The following TRMT11 variants were observed in gnomAD, a reference collection of about 807,000 sequenced individuals.
The protein encoded by TRMT11 is tRNA methyltransferase 11.
In TRMT11, 53 loss-of-function variants were observed where a neutral mutation model predicts 62.8. The observed-to-expected ratio is 0.84, with a 90% CI of 0.68 to 1.06. The LOEUF is 1.06. Among genes scored for constraint, TRMT11 ranks in the 50% least tolerant of loss-of-function variants. The pLI, the probability that TRMT11 is intolerant of heterozygous loss-of-function variation, is 0.00. For missense variants in TRMT11, 556 were observed against 553.4 expected (o/e 1.00, Z -0.05); for synonymous variants, 188 against 190.3 (o/e 0.99, Z 0.10).
chr6:126,267,891 ATTTT>A, the TRMT11 span, among the ~76,000 whole-genome samples: 1 of 151,178 alleles, frequency 6.6e-6, no homozygotes, highest in African/African-American at 2.4e-5. Context: ...TGCCATGACT[ATTTT>A]TTTTTCTTCA....
At chr6:126,112,782 C>A (rs544790543) in intron 17 of TRMT11, among the ~76,000 whole-genome samples, 187 of 152,188 alleles carry the variant, frequency 1.2e-3, no homozygotes, top group African/African-American at 4.4e-3. Flanking sequence ...TCCTCTACTT[C>A]ATTGTCTTTC....
At chr6:126,115,994 A>G (rs1777582306) in intron 21 of TRMT11, among the ~76,000 whole-genome samples, 1 of 148,178 alleles carries the variant, frequency 6.7e-6, no homozygotes, top group Non-Finnish European at 1.5e-5. Flanking sequence ...CCTTGTGCTT[A>G]TTAATGCTGT....
At chr6:126,123,888 T>G (rs1777678246) in intron 21 of TRMT11, among the ~76,000 whole-genome samples, 1 of 152,098 alleles carries the variant, frequency 6.6e-6, no homozygotes, top group Non-Finnish European at 1.5e-5. Context: ...ATTTATTGTC[T>G]GTTGTACTTT....
chr6:126,071,783 AAAAT>A (rs759640091), intron 17 of TRMT11, among the ~76,000 whole-genome samples: 2 of 152,144 alleles, frequency 1.3e-5, no homozygotes, highest in Admixed American at 1.3e-4. Flanking sequence ...ACAGTTTCAG[AAAAT>A]AAATCTCAGC....
the TRMT11 span, among the ~76,000 whole-genome samples, chr6:126,240,808 C>T: frequency 1.2e-4 from 18 of 152,234 alleles, no homozygotes; most frequent in African/African-American, 3.4e-4. Flanking sequence ...CCCCCAGAGG[C>T]GGAGTCTACA....
At chr6:126,241,406 T>A in the TRMT11 span, among the ~76,000 whole-genome samples, 4 of 152,022 alleles carry the variant, frequency 2.6e-5, no homozygotes, top group African/African-American at 4.8e-5. Flanking sequence ...ACTATTCCAA[T>A]CAATAGAAAA....
At chr6:126,203,133 C>T (rs150766304), downstream of TRMT11, among the ~76,000 whole-genome samples, 1,018 of 152,236 alleles carry the variant, frequency 6.7e-3, 6 homozygotes, top group African/African-American at 0.023. Flanking sequence ...ACTTTCTGTA[C>T]CTGGGAGCTG....
At chr6:126,111,014 T>TTAGGAATGAAGGA (rs1470182010) in intron 17 of TRMT11, among the ~76,000 whole-genome samples, 16 of 152,056 alleles carry the variant, frequency 1.1e-4, no homozygotes. Context: ...ACCCAGGCAG[T>TTAGGAATGAAGGA]TAGGAATGAA....
the TRMT11 span, among the ~76,000 whole-genome samples, chr6:126,220,621 T>C: frequency 6.6e-6 from 1 of 152,342 alleles, no homozygotes; most frequent in African/African-American, 2.4e-5. Flanking sequence ...GCAGTCTCTA[T>C]TGCTCTTTGC....
the TRMT11 span, among the ~76,000 whole-genome samples, chr6:126,260,748 A>G: frequency 6.6e-6 from 1 of 152,178 alleles, no homozygotes; most frequent in Non-Finnish European, 1.5e-5. Flanking sequence ...TTACTACATC[A>G]TTCACTCTCT....
At chr6:126,251,180 G>A in the TRMT11 span, among the ~76,000 whole-genome samples, 26 of 151,938 alleles carry the variant, frequency 1.7e-4, no homozygotes, top group African/African-American at 4.3e-4. Flanking sequence ...ACAGGTGCCC[G>A]CCACTGTGCC....
chr6:126,000,925 A>G (rs949040632), intron 7 of TRMT11, among the ~76,000 whole-genome samples: 1 of 152,218 alleles, frequency 6.6e-6, no homozygotes, highest in African/African-American at 2.4e-5. Context: ...AGCTACAAGA[A>G]TAAAAGTAGG....
At chr6:126,093,631 A>ATATATATATATATTTT (rs1554236842) in intron 17 of TRMT11, among the ~76,000 whole-genome samples, 1 of 98,016 alleles carries the variant, frequency 1.0e-5, no homozygotes, top group African/African-American at 4.4e-5. Context: ...ATATATATAT[A>ATATATATATATATTTT]TTTTCCCCCA....
chr6:126,253,457 T>A, the TRMT11 span, among the ~76,000 whole-genome samples: 1 of 152,196 alleles, frequency 6.6e-6, no homozygotes. Flanking sequence ...ACCAGTAACA[T>A]AGTCATTTAT....
intron 21 of TRMT11, among the ~76,000 whole-genome samples, chr6:126,126,333 C>T (rs181931683): frequency 3.3e-4 from 50 of 152,194 alleles, no homozygotes; most frequent in Middle Eastern, 3.4e-3. Flanking sequence ...TATATTTCAA[C>T]GTTTAGTTGT....
At chr6:126,022,754 T>C (rs544368996) in intron 12 of TRMT11, among the ~76,000 whole-genome samples, 1 of 152,350 alleles carries the variant, frequency 6.6e-6, no homozygotes, top group South Asian at 2.1e-4. Flanking sequence ...CCTATACATC[T>C]ATATAAGTAG....
rs1554242330 is a variant in TRMT11, at chr6:126,151,943, C to CTTTCTTTCTTTCTTTCTTTCT, written c.*1824-22879_*1824-22878insCTTTCTTTCTTTCTTTCTTTT. Among the ~76,000 whole-genome samples the CTTTCTTTCTTTCTTTCTTTCT allele has an allele frequency of 3.2e-3, 109 of 33,922 alleles. 4 individuals carry two copies. Among genetic ancestry groups the CTTTCTTTCTTTCTTTCTTTCT allele is most frequent in the Middle Eastern group, 0.028 (1 of 36 alleles). The allele number at this position is 33,922 out of a possible 152,430, so 22.3% of individuals were successfully genotyped here. A position where few individuals can be genotyped will look rare whatever the true frequency, so the allele number is the denominator to read the frequency against. On this transcript the variant is annotated intron_variant and NMD_transcript_variant, in intron 21 of 22. Transcript: ENST00000648977. ...TCTTTCTTTCTTTCTTTCTTTCTTT[C>CTTTCTTTCTTTCTTTCTTTCT]TTTTCTTTCTTTCTTTTCTTTCTTT...
the TRMT11 span, among the ~76,000 whole-genome samples, chr6:126,214,074 A>G: frequency 6.6e-6 from 1 of 151,996 alleles, no homozygotes. Flanking sequence ...CGATCTTTGC[A>G]TCTCTGCGAT....
At chr6:126,060,448 G>T (rs1776500544) in intron 17 of TRMT11, among the ~76,000 whole-genome samples, 1 of 152,190 alleles carries the variant, frequency 6.6e-6, no homozygotes, top group African/African-American at 2.4e-5. Context: ...GGGCCTTGCA[G>T]TACCCCCACC....
Sources: allele counts gnomAD v4.1 joint callset (sites outside exome capture counted in the v4.1 genomes callset), GRCh38; gene constraint gnomAD v4.1.1; transcripts MANE v1.5; gene names NCBI Gene and HGNC (gene_info 2026-07-23, HGNC 2026-07-21).